The following OR2C1 variants were observed in gnomAD, a reference collection of about 807,000 sequenced individuals.
OR2C1 encodes olfactory receptor 2C1.
For missense variants in OR2C1, 468 were observed against 388.3 expected (o/e 1.21, Z -1.73); for synonymous variants, 209 against 167.3 (o/e 1.25, Z -1.92).
chr16:3,333,210 C>CTTTTTTTTTTTTTTTT, the OR2C1 span, among the ~76,000 whole-genome samples: 1 of 33,030 alleles, frequency 3.0e-5, no homozygotes. Context: ...ATCTTTTGCC[C>CTTTTTTTTTTTTTTTT]ATTTTTTTTT....
At chr16:3,344,652 A>T in the OR2C1 span, among the ~76,000 whole-genome samples, 1 of 151,764 alleles carries the variant, frequency 6.6e-6, no homozygotes, top group African/African-American at 2.4e-5. Context: ...GCTTGAACCC[A>T]GGAGGCAGAG....
the OR2C1 span, among the ~76,000 whole-genome samples, chr16:3,340,056 A>T: frequency 6.6e-6 from 1 of 152,132 alleles, no homozygotes; most frequent in Non-Finnish European, 1.5e-5. Flanking sequence ...AAGCGGGCAG[A>T]TCACCTGAGG....
At chr16:3,335,096 G>C in the OR2C1 span, among the ~76,000 whole-genome samples, 2 of 152,204 alleles carry the variant, frequency 1.3e-5, no homozygotes, top group Non-Finnish European at 2.9e-5. Flanking sequence ...TGGGATTACA[G>C]GCGTGAGCCA....
the OR2C1 span, among the ~76,000 whole-genome samples, chr16:3,335,677 C>G: frequency 1.3e-5 from 2 of 151,976 alleles, no homozygotes; most frequent in East Asian, 1.9e-4. Flanking sequence ...CAGGCGCCCA[C>G]CACCACATCC....
the OR2C1 span, among the ~76,000 whole-genome samples, chr16:3,325,471 A>C: frequency 9.6e-3 from 239 of 24,800 alleles, 1 homozygote; most frequent in African/African-American, 0.036. Flanking sequence ...ATATATATAT[A>C]TATATATATA....
At position 3,356,428 on chromosome 16, in the gene OR2C1, C is replaced by G; in HGVS notation, c.488C>G (p.Thr163Ser). The change falls in exon 1 of 1, where the codon ACT (threonine) becomes AGT (serine). Residue 163 changes from threonine (T) to serine (S), a missense_variant. Thr to Ser is a moderately conservative substitution (Grantham distance 58). Transcript: ENST00000304936. ...LGNSVIQSTFTLQLPLCGHRR... is the reference protein window; with the variant it reads ...LGNSVIQSTFSLQLPLCGHRR... ...AACTCTGTGATCCAGTCAACATTCA[C>G]TCTGCAGCTCCCATTGTGTGGGCAC... 1 of 1,613,970 alleles carries G rather than the reference C, an allele frequency of 6.2e-7. No homozygotes were observed. Among genetic ancestry groups the G allele is most frequent in the Non-Finnish European group, 8.5e-7 (1 of 1,180,048 alleles).
At chr16:3,341,185 G>T in the OR2C1 span, among the ~76,000 whole-genome samples, 1 of 151,164 alleles carries the variant, frequency 6.6e-6, no homozygotes, top group Non-Finnish European at 1.5e-5. Context: ...TTTATTCCTA[G>T]GTATTTTATT....
At chr16:3,354,652 G>A (rs918268666), upstream of OR2C1, among the ~76,000 whole-genome samples, 1 of 152,180 alleles carries the variant, frequency 6.6e-6, no homozygotes, top group African/African-American at 2.4e-5. Context: ...AAACTCAGAG[G>A]GGAGGGATGT....
the OR2C1 span, among the ~76,000 whole-genome samples, chr16:3,336,582 A>T: frequency 6.6e-6 from 1 of 150,946 alleles, no homozygotes. Context: ...GCTGGTCTTG[A>T]ACTCCTGACC....
upstream of OR2C1, among the ~76,000 whole-genome samples, chr16:3,353,471 C>T (rs1299264497): frequency 3.9e-5 from 4 of 103,722 alleles, no homozygotes; most frequent in African/African-American, 1.5e-4. Flanking sequence ...AGCCTGGTGA[C>T]AGAGCGAGAC....
chr16:3,351,034 CAAAAA>C (rs1172796202), upstream of OR2C1, among the ~76,000 whole-genome samples: 1 of 49,560 alleles, frequency 2.0e-5, no homozygotes, highest in Non-Finnish European at 4.4e-5. Context: ...GACCCTGACT[CAAAAA>C]AAAAAAAAAA....
the OR2C1 span, among the ~76,000 whole-genome samples, chr16:3,336,136 G>C: frequency 6.6e-6 from 1 of 152,050 alleles, no homozygotes; most frequent in African/African-American, 2.4e-5. Flanking sequence ...AAGAGATGTT[G>C]AATTATGTCA....
chr16:3,345,075 T>C, the OR2C1 span, among the ~76,000 whole-genome samples: 1 of 152,116 alleles, frequency 6.6e-6, no homozygotes, highest in Admixed American at 6.6e-5. Context: ...GATAGATGCA[T>C]ATCAATCATT....
chr16:3,328,727 C>G, the OR2C1 span, among the ~76,000 whole-genome samples: 1 of 152,132 alleles, frequency 6.6e-6, no homozygotes, highest in African/African-American at 2.4e-5. Context: ...AGAAGCATAC[C>G]ACGTTAACTG....
At chr16:3,343,746 T>G in the OR2C1 span, among the ~76,000 whole-genome samples, 1 of 150,842 alleles carries the variant, frequency 6.6e-6, no homozygotes, top group Non-Finnish European at 1.5e-5. Context: ...AGCAAGACCC[T>G]GTCTCAAAAA....
At chr16:3,337,199 G>A in the OR2C1 span, among the ~76,000 whole-genome samples, 12 of 149,756 alleles carry the variant, frequency 8.0e-5, no homozygotes, top group African/African-American at 3.0e-4. Flanking sequence ...CTGTCTCCCA[G>A]GCTGGAGTGC....
Position 3,356,553 on chromosome 16 carries a change from T to G in OR2C1, c.613T>G (p.Phe205Val). Residue 205 changes from phenylalanine (F) to valine (V), a missense_variant, in exon 1 of 1, where the codon TTC becomes GTC. Phe to Val is a conservative substitution (Grantham distance 50). Transcript: ENST00000304936. ...NQAVLNGVCT[F>V]FTAVPLSIIV... ...GGCTGTGCTCAATGGTGTCTGCACC[T>G]TCTTCACTGCAGTCCCACTAAGCAT... 6.2e-7 allele frequency: 1 copy of G among 1,614,202 alleles called. No individual in the cohort carries two copies. The highest frequency in any genetic ancestry group is 8.5e-7 in the Non-Finnish European group (1 of 1,180,038).
the OR2C1 span, among the ~76,000 whole-genome samples, chr16:3,349,051 G>A: frequency 6.6e-6 from 1 of 152,036 alleles, no homozygotes; most frequent in Admixed American, 6.6e-5. Flanking sequence ...AGCCTGTCAT[G>A]TAACCACTAT....
chr16:3,329,171 C>G, the OR2C1 span, among the ~76,000 whole-genome samples: 2 of 130,922 alleles, frequency 1.5e-5, no homozygotes, highest in Non-Finnish European at 3.3e-5. Flanking sequence ...GGAGGGAAGA[C>G]ACACACACAC....
Sources: gnomAD v4.1 joint callset for allele counts (sites outside exome capture counted in the v4.1 genomes callset) on GRCh38, gnomAD v4.1.1 for gene constraint, MANE v1.5 for transcripts, NCBI Gene and HGNC (gene_info 2026-07-23, HGNC 2026-07-21) for gene names.